SEMA3C: variants seen among roughly 807,000 people sequenced by gnomAD.
SEMA3C encodes the protein semaphorin 3C.
SEMA3C carries 47 observed loss-of-function variants against 89.4 expected under a neutral mutation model. The ratio of observed to expected loss-of-function variants is 0.53; its 90% confidence interval spans 0.42 to 0.67. SEMA3C has a LOEUF of 0.67. Among genes scored for constraint, SEMA3C ranks in the 30% least tolerant of loss-of-function variants. SEMA3C has a pLI of 0.00. For synonymous variants in SEMA3C, 310 were observed against 320.2 expected, an observed-to-expected ratio of 0.97 and a Z score of 0.34; for missense variants, 839 against 929.1, an observed-to-expected ratio of 0.90 and a Z score of 1.26.
intron 2 of SEMA3C, among the ~76,000 whole-genome samples, chr7:80,913,925 T>C (rs745461233): frequency 1.3e-5 from 2 of 152,184 alleles, no homozygotes; most frequent in Non-Finnish European, 2.9e-5. Context: ...ATGATGCTTA[T>C]TGCACCGGAA....
At chr7:80,821,429 G>A (rs539491288) in intron 4 of SEMA3C, among the ~76,000 whole-genome samples, 2 of 151,544 alleles carry the variant, frequency 1.3e-5, no homozygotes, top group African/African-American at 4.8e-5. Flanking sequence ...TTTTTTTTTG[G>A]GGGGGTGGGC....
chr7:80,808,794 G>A (rs1283093281), intron 6 of SEMA3C, among the ~76,000 whole-genome samples: 1 of 152,132 alleles, frequency 6.6e-6, no homozygotes, highest in Non-Finnish European at 1.5e-5. Flanking sequence ...ACAACTCAGA[G>A]ACAGAGTTTC....
chr7:80,747,006 C>T (rs2117023694), intron 17 of SEMA3C, among the ~76,000 whole-genome samples: 1 of 104,866 alleles, frequency 9.5e-6, no homozygotes, highest in Admixed American at 1.2e-4. Context: ...AATGTTTACA[C>T]AGTAGTATGA....
At chr7:80,878,315 T>C (rs897457455) in intron 2 of SEMA3C, among the ~76,000 whole-genome samples, 1 of 151,908 alleles carries the variant, frequency 6.6e-6, no homozygotes, top group Non-Finnish European at 1.5e-5. Context: ...GAGGCGGAGG[T>C]TGCGGTGAGC....
intron 2 of SEMA3C, among the ~76,000 whole-genome samples, chr7:80,911,475 G>C (rs1217387806): frequency 6.6e-6 from 1 of 152,004 alleles, no homozygotes; most frequent in African/African-American, 2.4e-5. Context: ...CAATATATGT[G>C]AACAACATAT....
chr7:80,905,581 T>G (rs1791995185), intron 2 of SEMA3C, among the ~76,000 whole-genome samples: 1 of 152,142 alleles, frequency 6.6e-6, no homozygotes. Context: ...TAAGTGTAAG[T>G]GCAATAAGCT....
At chr7:80,901,758 T>C (rs1791885602) in intron 2 of SEMA3C, among the ~76,000 whole-genome samples, 1 of 152,246 alleles carries the variant, frequency 6.6e-6, no homozygotes, top group African/African-American at 2.4e-5. Context: ...GGGCATCCAA[T>C]GAGTAACATG....
At chr7:80,846,271 G>T (rs918903435) in intron 2 of SEMA3C, among the ~76,000 whole-genome samples, 1 of 152,052 alleles carries the variant, frequency 6.6e-6, no homozygotes, top group Admixed American at 6.6e-5. Context: ...TGTATTGTTT[G>T]GAAAACATCA....
chr7:80,742,836 T>C lies in SEMA3C; in HGVS notation c.*2058A>G, dbSNP rs1054138321. On this transcript the variant is annotated 3_prime_UTR_variant, in exon 18 of 18. Transcript: ENST00000265361. The stretch of plus-strand genomic sequence containing the variant: ...CATTAACAGCATTTTTGAAAAAAAA[T>C]TTTCTTTTACATTCAGCAGAGTTAT... 6.6e-6 allele frequency: 1 copy of C among 151,874 alleles called. No homozygotes were observed. The highest frequency in any genetic ancestry group is 2.4e-5 in the African/African-American group (1 of 41,398). The allele number at this position is 151,874 out of a possible 1,614,324, so 9.4% of individuals were successfully genotyped here.
chr7:80,840,566 T>C (rs1790242466), intron 2 of SEMA3C, among the ~76,000 whole-genome samples: 1 of 138,362 alleles, frequency 7.2e-6, no homozygotes, highest in Admixed American at 7.4e-5. Context: ...GAGAGCGCGA[T>C]GGTAAATGCC....
intron 2 of SEMA3C, among the ~76,000 whole-genome samples, chr7:80,854,146 G>A (rs1790580472): frequency 6.6e-6 from 1 of 152,106 alleles, no homozygotes; most frequent in African/African-American, 2.4e-5. Context: ...ATGTGTTTTA[G>A]GTAAGGTTAT....
intron 2 of SEMA3C, among the ~76,000 whole-genome samples, chr7:80,845,506 A>G (rs1408926374): frequency 6.6e-6 from 1 of 152,080 alleles, no homozygotes; most frequent in Non-Finnish European, 1.5e-5. Context: ...TATTCAACCT[A>G]CAAACAATAA....
chr7:80,876,466 T>C (rs1031444211), intron 2 of SEMA3C, among the ~76,000 whole-genome samples: 1 of 152,132 alleles, frequency 6.6e-6, no homozygotes, highest in African/African-American at 2.4e-5. Context: ...TGCTCTACCA[T>C]TTGTTTTGTG....
At chr7:80,898,106 T>A (rs1429126384) in intron 2 of SEMA3C, among the ~76,000 whole-genome samples, 1 of 151,992 alleles carries the variant, frequency 6.6e-6, no homozygotes, top group Admixed American at 6.6e-5. Flanking sequence ...GCTCACCCCC[T>A]GTAATCCTAG....
At chr7:80,896,800 G>A (rs1375089091) in intron 2 of SEMA3C, among the ~76,000 whole-genome samples, 1 of 152,172 alleles carries the variant, frequency 6.6e-6, no homozygotes, top group African/African-American at 2.4e-5. Flanking sequence ...AACTTTTCTA[G>A]AAGCCCCTTC....
At chr7:80,874,018 T>A (rs896774828) in intron 2 of SEMA3C, among the ~76,000 whole-genome samples, 1 of 152,208 alleles carries the variant, frequency 6.6e-6, no homozygotes, top group African/African-American at 2.4e-5. Context: ...AGCCCTTTTT[T>A]GGAGTGGAGA....
chr7:80,904,876 G>A (rs981439178), intron 2 of SEMA3C, among the ~76,000 whole-genome samples: 4 of 152,254 alleles, frequency 2.6e-5, no homozygotes, highest in South Asian at 4.1e-4. Context: ...CCAAGGTTGA[G>A]AATCACTGCC....
chr7:80,751,721 C>T (rs1207398142), intron 15 of SEMA3C, among the ~76,000 whole-genome samples: 6 of 152,094 alleles, frequency 3.9e-5, no homozygotes, highest in Non-Finnish European at 5.9e-5. Context: ...GTAGCATTTT[C>T]CTTTTTATAA....
At position 80,876,803 on chromosome 7, in the gene SEMA3C, T is replaced by C. The variant is rs570174529; in HGVS notation, c.103+39876A>G. 2.6e-5 allele frequency among the ~76,000 whole-genome samples: 4 copies of C among 152,354 alleles called. No homozygotes were observed. In the South Asian group the frequency reaches 8.3e-4, roughly 32 times the overall value. The stretch of plus-strand genomic sequence containing the variant: ...TTCTTCAATTTGTCAATCTGATTTG[T>C]CACATGCAAAATACGTATTCTTAAG... On this transcript the variant is annotated intron_variant, in intron 2 of 17. Coordinates refer to ENST00000265361, the MANE Select transcript of SEMA3C (RefSeq NM_006379.5).
Sources: allele counts gnomAD v4.1 joint callset (sites outside exome capture counted in the v4.1 genomes callset), GRCh38; gene constraint gnomAD v4.1.1; transcripts MANE v1.5; gene names NCBI Gene and HGNC (gene_info 2026-07-23, HGNC 2026-07-21).